DONSON: variants seen among roughly 807,000 people sequenced by gnomAD.
The protein encoded by DONSON is protein downstream neighbor of Son.
Under a neutral mutation model 62.1 loss-of-function variants are expected in DONSON, and 43 were observed. The observed-to-expected ratio is 0.69, with a 90% CI of 0.54 to 0.89. The LOEUF (loss-of-function observed/expected upper bound fraction) is 0.89. Ranked by LOEUF, DONSON falls within the 40% of genes least tolerant of loss-of-function variation. The pLI, the probability that DONSON is intolerant of heterozygous loss-of-function variation, is 0.00. For synonymous variants in DONSON, 266 were observed against 264.6 expected (o/e 1.01, Z -0.05); for missense variants, 696 against 697.5 (o/e 1.00, Z 0.03).
At chr21:33,578,821 GTTC>G (rs1157154432) in intron 9 of DONSON, among the ~76,000 whole-genome samples, 1 of 152,188 alleles carries the variant, frequency 6.6e-6, no homozygotes, top group African/African-American at 2.4e-5. Flanking sequence ...GGAATGGGAA[GTTC>G]TTCAGTCACT....
chr21:33,584,014 T>TTATATATATATATATATA (rs57309977), intron 4 of DONSON, among the ~76,000 whole-genome samples: 9 of 121,550 alleles, frequency 7.4e-5, no homozygotes, highest in African/African-American at 1.9e-4. Context: ...GGCTGCGTGT[T>TTATATATATATATATATA]TATATATATA....
rs71194853 is a variant in DONSON, at chr21:33,577,604, T to TACACACACACACAC, written c.*689_*702dup. The TACACACACACACAC allele has an allele frequency of 3.6e-5, 3 of 84,448 alleles. No individual in the cohort carries two copies. Among genetic ancestry groups the TACACACACACACAC allele is most frequent in the East Asian group, 4.4e-4 (1 of 2,258 alleles). 5.2% of individuals were successfully genotyped at this position (84,448 alleles called of 1,614,324 possible). ...AAATGTGAATTATACAGTCCCCCCC[T>TACACACACACACAC]ACACACACACACACACACACACACA... On this transcript the variant is annotated 3_prime_UTR_variant, in exon 10 of 10. Transcript: ENST00000303071.
Position 33,578,409 on chromosome 21 carries a change from C to T in DONSON, c.1599G>A (p.Leu533=), listed in dbSNP as rs1392669336. ...VVHKELTNCG[L]HPNTLEQLSQ... Reference sequence around the variant, plus strand: ...TAAGTTGCTCCAGAGTGTTAGGGTGCAAACCACAGTTAGTAAGCTCCTTAT... The same window carrying T: ...TAAGTTGCTCCAGAGTGTTAGGGTGTAAACCACAGTTAGTAAGCTCCTTAT... The change falls in exon 10 of 10, where the codon TTG becomes TTA. Residue 533 remains leucine (L), a synonymous_variant. Coordinates refer to ENST00000303071, the MANE Select transcript of DONSON (RefSeq NM_017613.4). 1 of 1,613,726 alleles carries T rather than the reference C, an allele frequency of 6.2e-7. No homozygotes were observed. The highest frequency in any genetic ancestry group is 1.7e-5 in the Admixed American group (1 of 60,000).
intron 5 of DONSON, 65 bp from the exon 6 acceptor site, chr21:33,582,311 T>A: frequency 7.6e-7 from 1 of 1,313,814 alleles, no homozygotes; most frequent in Non-Finnish European, 1.1e-6. Context: ...TGCTGTACTT[T>A]TAGAGTGTAA....
Position 33,578,420 on chromosome 21 carries a change from T to C in DONSON, c.1588A>G (p.Asn530Asp), listed in dbSNP as rs749722029. 1.1e-5 allele frequency: 17 copies of C among 1,613,828 alleles called. No homozygotes were observed. Among genetic ancestry groups the C allele is most frequent in the Non-Finnish European group, 1.4e-5 (17 of 1,179,878 alleles). Residue 530 changes from asparagine to aspartate, a missense_variant, in exon 10 of 10, where the codon AAC becomes GAC. By Grantham distance (23) the Asn-to-Asp change is conservative. Coordinates refer to ENST00000303071, the MANE Select transcript of DONSON (RefSeq NM_017613.4). ...DMEVVHKELT[N>D]CGLHPNTLEQ... is the part of the protein sequence containing the mutation. ...AGAGTGTTAGGGTGCAAACCACAGT[T>C]AGTAAGCTCCTTATGAACAACCTCC...
At chr21:33,588,221 T>C in intron 1 of DONSON, 100 bp downstream of exon 1, 1 of 1,008,770 alleles carries the variant, frequency 9.9e-7, no homozygotes, top group East Asian at 3.4e-5. Context: ...TCGCGCCCAT[T>C]TCCTTGCCTC....
chr21:33,579,811 T>C (rs534044607), intron 8 of DONSON, among the ~76,000 whole-genome samples: 52 of 152,340 alleles, frequency 3.4e-4, no homozygotes, highest in African/African-American at 1.2e-3. Context: ...TCATATAGTA[T>C]TTTATCTGAT....
chr21:33,587,298 C>A, intron 2 of DONSON: 1 of 933,348 alleles, frequency 1.1e-6, no homozygotes, highest in Non-Finnish European at 1.3e-6. Context: ...CCTATTTTAG[C>A]GCTGGCTATC....
In DONSON at chr21:33,579,365, G is replaced by A. The variant is rs758540267; in HGVS notation, c.1548C>T (p.Asp516=). 5.0e-6 allele frequency: 8 copies of A among 1,604,538 alleles called. No homozygotes were observed. Among genetic ancestry groups the A allele is most frequent in the Non-Finnish European group, 6.8e-6 (8 of 1,173,112 alleles). ...GTCTACTTACCATATCAAGTACTTT[G>A]TCCATTTGCAGGCAGATGTTAAATA... ...TAVFNICLQM[D]KVLDMEVVHK... The change falls in exon 9 of 10, where the codon GAC becomes GAT. Residue 516 remains aspartate, a synonymous_variant. Transcript: ENST00000303071.
In DONSON at chr21:33,588,667, G is replaced by A. The variant is rs976702533; in HGVS notation, c.-26C>T. The A allele has an allele frequency of 3.3e-6, 4 of 1,229,370 alleles. No individual in the cohort carries two copies. The highest frequency in any genetic ancestry group is 4.3e-5 in the Admixed American group (1 of 23,378). The allele number at this position is 1,229,370 out of a possible 1,614,324, so 76.2% of individuals were successfully genotyped here. On this transcript the variant is annotated 5_prime_UTR_variant, in exon 1 of 10. Coordinates refer to ENST00000303071, the MANE Select transcript of DONSON (RefSeq NM_017613.4). ...GACGCGCGGCGGCTGAGGGTAGCCG[G>A]CCGCCCTACAGAGACTTCCCGCGCG...
In DONSON at chr21:33,579,513, T is replaced by C. The variant is rs1357430160; in HGVS notation, c.1400A>G (p.Gln467Arg). 5 of 1,614,048 alleles carry C rather than the reference T, an allele frequency of 3.1e-6. No individual in the cohort carries two copies. The change falls in exon 9 of 10, where the codon CAA becomes CGA. Residue 467 changes from glutamine to arginine, a missense_variant. Transcript: ENST00000303071. ...KTQALSGYRD[Q>R]FSLEITGPIM... ...AGGACCTGTAATCTCCAAACTAAAT[T>C]GGTCTCTGTATCCAGAAAGAGCTTG...
At chr21:33,588,250 T>A in intron 1 of DONSON, 71 bp downstream of exon 1, 8 of 1,134,388 alleles carry the variant, frequency 7.1e-6, no homozygotes, top group Non-Finnish European at 8.9e-6. Context: ...GGACTTTCCA[T>A]CCCCCATTCA....
chr21:33,588,517 G>C lies in DONSON; in HGVS notation c.125C>G (p.Pro42Arg), dbSNP rs1601320290. The C allele has an allele frequency of 8.0e-7, 1 of 1,252,642 alleles. No individual in the cohort carries two copies. Among genetic ancestry groups the C allele is most frequent in the African/African-American group, 1.6e-5 (1 of 64,344 alleles). 77.6% of individuals were successfully genotyped at this position (1,252,642 alleles called of 1,614,324 possible). A position where few individuals can be genotyped will look rare whatever the true frequency, so the allele number is the denominator to read the frequency against. ...CACCAGGGCGGCTCGGCGGGCCGCC[G>C]GCTCCGTCAGCTCACGGGGCGGGGA... ...AASPPRELTE[P>R]AARRAALVAG... The change falls in exon 1 of 10, where the codon CCG (proline) becomes CGG (arginine). Residue 42 changes from proline (P) to arginine (R), a missense_variant. Coordinates refer to ENST00000303071, the MANE Select transcript of DONSON (RefSeq NM_017613.4).
chr21:33,588,677 A>T lies in DONSON; in HGVS notation c.-36T>A. 4 of 1,224,040 alleles carry T rather than the reference A, an allele frequency of 3.3e-6. No homozygotes were observed. Among genetic ancestry groups the T allele is most frequent in the Non-Finnish European group, 4.1e-6 (4 of 982,700 alleles). 75.8% of individuals were successfully genotyped at this position (1,224,040 alleles called of 1,614,324 possible). On this transcript the variant is annotated 5_prime_UTR_variant, in exon 1 of 10. Coordinates refer to ENST00000303071, the MANE Select transcript of DONSON (RefSeq NM_017613.4). ...GGCTGAGGGTAGCCGGCCGCCCTACAGAGACTTCCCGCGCGCGCCGGGCCC... is the reference window on the plus strand; with the variant it reads ...GGCTGAGGGTAGCCGGCCGCCCTACTGAGACTTCCCGCGCGCGCCGGGCCC...
rs780796100 is a variant in DONSON, at chr21:33,581,975, TTTTTAA to T, written c.1121_1126del (p.Ile374_Lys375del). On this transcript the variant is annotated inframe_deletion, in exon 7 of 10. Coordinates refer to ENST00000303071, the MANE Select transcript of DONSON (RefSeq NM_017613.4). The stretch of plus-strand genomic sequence containing the variant: ...CAGCTTGATAGAAAGTATGTCTGGC[TTTTTAA>T]TTTTATCTTGCACACCCATCTCTTC... The T allele has an allele frequency of 3.7e-6, 6 of 1,614,184 alleles. No individual in the cohort carries two copies. The highest frequency in any genetic ancestry group is 1.3e-5 in the African/African-American group (1 of 75,068).
intron 2 of DONSON, among the ~76,000 whole-genome samples, chr21:33,587,122 CGT>C (rs775492749): frequency 2.0e-4 from 31 of 152,130 alleles, no homozygotes; most frequent in Non-Finnish European, 3.5e-4. Context: ...GGAATGGAAA[CGT>C]GTGTGTGTTA....
chr21:33,583,472 A>G lies in DONSON; in HGVS notation c.964+16T>C. On this transcript the variant is annotated intron_variant, in intron 5 of 9. Transcript: ENST00000303071. ...CTATATAGTATAGTATTCTCACTTT[A>G]AACCTAAACTTTTACCTTCATTTCT... The G allele has an allele frequency of 6.2e-7, 1 of 1,611,460 alleles. No individual in the cohort carries two copies. Among genetic ancestry groups the G allele is most frequent in the South Asian group, 1.1e-5 (1 of 90,936 alleles).
rs373597559 is a variant in DONSON at position 33,583,674 on chromosome 21, G to A, written c.786-8C>T. The A allele has an allele frequency of 6.7e-5, 105 of 1,567,060 alleles. No individual in the cohort carries two copies. In the South Asian group the frequency reaches 1.1e-3, roughly 17 times the overall value. On this transcript the variant is annotated splice_region_variant and splice_polypyrimidine_tract_variant and intron_variant, in intron 4 of 9. Coordinates refer to ENST00000303071, the MANE Select transcript of DONSON (RefSeq NM_017613.4). ...GAAGTAAAGCTCACAGACCTATGAAGTAAAAAAATTTTCTTAAGGTATTAT... is the reference window on the plus strand; with the variant it reads ...GAAGTAAAGCTCACAGACCTATGAAATAAAAAAATTTTCTTAAGGTATTAT...
At chr21:33,578,766 AT>A (rs796071061) in intron 9 of DONSON, among the ~76,000 whole-genome samples, 11 of 152,340 alleles carry the variant, frequency 7.2e-5, no homozygotes, top group African/African-American at 2.6e-4. Flanking sequence ...ATCAGGTACT[AT>A]TGAGTTTTGG....
Sources: gnomAD v4.1 joint callset for allele counts (sites outside exome capture counted in the v4.1 genomes callset) on GRCh38, gnomAD v4.1.1 for gene constraint, MANE v1.5 for transcripts, NCBI Gene and HGNC (gene_info 2026-07-23, HGNC 2026-07-21) for gene names.